OSR1: variants seen among roughly 807,000 people sequenced by gnomAD.
The protein encoded by OSR1 is odd-skipped related transcription factor 1, also known as protein odd-skipped-related 1.
In OSR1, 3 loss-of-function variants were observed where a neutral mutation model predicts 15.7. The observed-to-expected ratio is 0.19, with a 90% confidence interval of 0.09 to 0.50. The LOEUF (loss-of-function observed/expected upper bound fraction) is 0.50. Among genes scored for constraint, OSR1 ranks in the 20% least tolerant of loss-of-function variants. The pLI is 0.97. For synonymous variants in OSR1, 166 were observed against 152.7 expected (o/e 1.09, Z -0.64); for missense variants, 271 against 351.1 (o/e 0.77, Z 1.82).
chr2:19,348,997 A>G (rs1327151911), downstream of OSR1, among the ~76,000 whole-genome samples: 1 of 152,232 alleles, frequency 6.6e-6, no homozygotes, highest in Non-Finnish European at 1.5e-5. Context: ...TTTTCTCCTG[A>G]AAAATAGCCC....
At chr2:19,346,279 G>A in the OSR1 span, among the ~76,000 whole-genome samples, 1 of 152,190 alleles carries the variant, frequency 6.6e-6, no homozygotes, top group South Asian at 2.1e-4. Flanking sequence ...ATCCCATTTT[G>A]GGGGGTTAAT....
At chr2:19,352,971 T>C (rs1025005308) in intron 2 of OSR1, among the ~76,000 whole-genome samples, 170 bp downstream of exon 2, 1 of 152,180 alleles carries the variant, frequency 6.6e-6, no homozygotes, top group African/African-American at 2.4e-5. Flanking sequence ...CCTGAACCCA[T>C]GCTCCAAAAC....
intron 1 of OSR1, 53 bp from the exon 2 acceptor site, chr2:19,353,890 G>A: frequency 1.4e-6 from 2 of 1,416,844 alleles, no homozygotes; most frequent in Admixed American, 4.8e-5. Flanking sequence ...GAAGTTCAGG[G>A]TGGGTCGCCT....
chr2:19,351,282 A>G (rs901531222), downstream of OSR1, among the ~76,000 whole-genome samples: 8 of 152,024 alleles, frequency 5.3e-5, no homozygotes, highest in African/African-American at 1.9e-4. Context: ...GGAGGAGAAA[A>G]GTAGGAAAAT....
chr2:19,352,275 T>C lies in OSR1; in HGVS notation c.801A>G (p.Ter267=). Residue 267 remains the stop codon, a stop_retained_variant, in exon 3 of 3, where the codon TAA becomes TAG. Transcript: ENST00000272223. Reference sequence around the variant, plus strand: ...GGTCCTTGTGACCCACAGGTTCTATTTAGCATTTGATCTTGGAGGTTTTGA... The same window carrying C: ...GGTCCTTGTGACCCACAGGTTCTATCTAGCATTTGATCTTGGAGGTTTTGA... ...KELKTSKIKC[*] The C allele has an allele frequency of 6.2e-7, 1 of 1,614,180 alleles. No individual in the cohort carries two copies. The highest frequency in any genetic ancestry group is 8.5e-7 in the Non-Finnish European group (1 of 1,180,004).
At position 19,353,138 on chromosome 2, in the gene OSR1, C is replaced by T. The variant is rs1394121734; in HGVS notation, c.665+3G>A. On this transcript the variant is annotated splice_donor_region_variant and intron_variant, in intron 2 of 2. Coordinates refer to ENST00000272223, the MANE Select transcript of OSR1 (RefSeq NM_145260.3). ...CTCTCTTGCGCCACCCGCAGTGCCG[C>T]ACCTGTGGTCTCGCAGGTGGTCTTG... is the stretch of plus-strand genomic sequence containing the variant. 1 of 1,612,932 alleles carries T rather than the reference C, an allele frequency of 6.2e-7. No individual in the cohort carries two copies. The highest frequency in any genetic ancestry group is 1.3e-5 in the African/African-American group (1 of 75,034).
At chr2:19,346,496 G>A (rs761800497), downstream of OSR1, 6 of 152,340 alleles carry the variant, frequency 3.9e-5, no homozygotes, top group Non-Finnish European at 7.3e-5. Flanking sequence ...CAGGCATGGT[G>A]CCTCACGCCT....
downstream of OSR1, among the ~76,000 whole-genome samples, chr2:19,351,047 C>T (rs573796350): frequency 2.0e-5 from 3 of 152,270 alleles, no homozygotes; most frequent in East Asian, 5.8e-4. Context: ...GTCCTTCCCA[C>T]CCCAAAGCCA....
In OSR1 at chr2:19,353,122, G is replaced by A. The variant is rs373170559; in HGVS notation, c.665+19C>T. Reference sequence around the variant, plus strand: ...CCAGAGGCAGAGAGCTCTCTCTTGCGCCACCCGCAGTGCCGCACCTGTGGT... The same window carrying A: ...CCAGAGGCAGAGAGCTCTCTCTTGCACCACCCGCAGTGCCGCACCTGTGGT... On this transcript the variant is annotated intron_variant, in intron 2 of 2. Coordinates refer to ENST00000272223, the MANE Select transcript of OSR1 (RefSeq NM_145260.3). 8.7e-6 allele frequency: 14 copies of A among 1,610,544 alleles called. No individual in the cohort carries two copies. Among genetic ancestry groups the A allele is most frequent in the African/African-American group, 5.3e-5 (4 of 74,840 alleles).
downstream of OSR1, among the ~76,000 whole-genome samples, chr2:19,348,671 G>T (rs1367810042): frequency 6.6e-6 from 1 of 152,144 alleles, no homozygotes; most frequent in African/African-American, 2.4e-5. Context: ...CGGCAAGGAA[G>T]TACGCGGGAA....
rs745601259 is a variant in OSR1 at position 19,353,802 on chromosome 2, C to T, written c.4G>A (p.Gly2Ser). The change falls in exon 2 of 3, where the codon GGC (glycine) becomes AGC (serine). Residue 2 changes from glycine to serine, a missense_variant. Coordinates refer to ENST00000272223, the MANE Select transcript of OSR1 (RefSeq NM_145260.3). Reference sequence around the variant, plus strand: ...ACCGGCGCCGGCAAGGTTTTGCTGCCCATTTCGGTAGTTGCAGTGGCTTCT... The same window carrying T: ...ACCGGCGCCGGCAAGGTTTTGCTGCTCATTTCGGTAGTTGCAGTGGCTTCT... The part of the protein sequence containing the change: M[G>S]SKTLPAPVPI... 8.1e-6 allele frequency: 13 copies of T among 1,607,852 alleles called. No homozygotes were observed. The East Asian group carries it at 2.7e-4, about 33-fold the overall frequency.
In OSR1 at chr2:19,352,159, G is replaced by T; in HGVS notation, c.*116C>A. ...GCCAGGGACCCAGGGGACAATGTTG[G>T]AGAGGTGGAAGGTCCCGAGCGAGCG... On this transcript the variant is annotated 3_prime_UTR_variant, in exon 3 of 3. Transcript: ENST00000272223. 1 of 1,220,214 alleles carries T rather than the reference G, an allele frequency of 8.2e-7. No individual in the cohort carries two copies. Among genetic ancestry groups the T allele is most frequent in the East Asian group, 2.5e-5 (1 of 40,426 alleles). 75.6% of individuals were successfully genotyped at this position (1,220,214 alleles called of 1,614,324 possible). A position where few individuals can be genotyped will look rare whatever the true frequency, so the allele number is the denominator to read the frequency against.
At chr2:19,356,202 C>A (rs1664945834) in intron 1 of OSR1, 1 of 152,466 alleles carries the variant, frequency 6.6e-6, no homozygotes, top group Admixed American at 6.5e-5. Flanking sequence ...CCTTTCCTCG[C>A]CTTCTTCCTT....
chr2:19,345,336 T>C, the OSR1 span, among the ~76,000 whole-genome samples: 1 of 152,058 alleles, frequency 6.6e-6, no homozygotes, highest in African/African-American at 2.4e-5. Flanking sequence ...TTTTGGCTTT[T>C]GTTGCCATTG....
intron 1 of OSR1, chr2:19,354,935 C>G (rs1664919898): frequency 6.6e-6 from 1 of 152,320 alleles, no homozygotes; most frequent in African/African-American, 2.4e-5. Context: ...GGTTGGAGAG[C>G]TTGAGCAAGG....
At chr2:19,348,738 C>T (rs757635755), downstream of OSR1, among the ~76,000 whole-genome samples, 14 of 152,146 alleles carry the variant, frequency 9.2e-5, no homozygotes, top group Non-Finnish European at 1.8e-4. Flanking sequence ...GGGGGTAGAA[C>T]CTGAAACACT....
At chr2:19,345,354 T>C in the OSR1 span, among the ~76,000 whole-genome samples, 1 of 151,942 alleles carries the variant, frequency 6.6e-6, no homozygotes, top group Non-Finnish European at 1.5e-5. Context: ...TTGCTTTTGG[T>C]GTTTTAGACA....
rs142245985 is a variant in OSR1, at chr2:19,353,581, C to G, written c.225G>C (p.Thr75=). Residue 75 remains threonine, a synonymous_variant, in exon 2 of 3, where the codon ACG becomes ACC. Coordinates refer to ENST00000272223, the MANE Select transcript of OSR1 (RefSeq NM_145260.3). ...PRSSFSKVPG[T]VSSLVDARFQ... The stretch of plus-strand genomic sequence containing the variant: ...AGCGCGCATCCACCAAGCTGGACAC[C>G]GTGCCCGGCACTTTGGAGAAAGAAG... The G allele has an allele frequency of 6.2e-7, 1 of 1,614,186 alleles. No homozygotes were observed.
downstream of OSR1, among the ~76,000 whole-genome samples, chr2:19,347,985 C>G (rs147013318): frequency 1.3e-5 from 2 of 152,386 alleles, no homozygotes; most frequent in Non-Finnish European, 2.9e-5. Flanking sequence ...GATTTCCACG[C>G]ACCGCCGTCA....
Sources: gnomAD v4.1 joint callset for allele counts (sites outside exome capture counted in the v4.1 genomes callset) on GRCh38, gnomAD v4.1.1 for gene constraint, MANE v1.5 for transcripts, NCBI Gene and HGNC (gene_info 2026-07-23, HGNC 2026-07-21) for gene names.